KCNIP4: variants seen among roughly 807,000 people sequenced by gnomAD.
KCNIP4 encodes the protein Kv channel-interacting protein 4.
KCNIP4 carries 12 observed loss-of-function variants against 34.0 expected under a neutral mutation model. The observed-to-expected ratio is 0.35, with a 90% CI of 0.23 to 0.57. KCNIP4 has a LOEUF of 0.57. Among genes scored for constraint, KCNIP4 ranks in the 20% least tolerant of loss-of-function variants. The pLI, the probability that KCNIP4 is intolerant of heterozygous loss-of-function variation, is 0.83. For synonymous variants in KCNIP4, 124 were observed against 102.2 expected, an observed-to-expected ratio of 1.21 and a Z score of -1.29; for missense variants, 238 against 311.7, an observed-to-expected ratio of 0.76 and a Z score of 1.78.
intron 3 of KCNIP4, among the ~76,000 whole-genome samples, chr4:20,829,300 C>T (rs572429613): frequency 2.0e-5 from 3 of 152,176 alleles, no homozygotes; most frequent in Admixed American, 6.5e-5. Flanking sequence ...CTCTGCCACC[C>T]GGGTTCATGC....
intron 1 of KCNIP4, among the ~76,000 whole-genome samples, chr4:20,913,275 T>C (rs6447997): frequency 0.79 from 119,528 of 152,036 alleles, 47,376 homozygotes; most frequent in East Asian, 0.84. Context: ...AAAAAAGAAG[T>C]CCGACTCAAA....
chr4:20,842,137 T>A (rs1323437829), intron 3 of KCNIP4, among the ~76,000 whole-genome samples: 3 of 152,194 alleles, frequency 2.0e-5, no homozygotes, highest in Non-Finnish European at 4.4e-5. Flanking sequence ...AAAGAAAAAT[T>A]ACCTGTCTTT....
intron 1 of KCNIP4, among the ~76,000 whole-genome samples, chr4:20,947,163 T>G (rs1732273697): frequency 6.6e-6 from 1 of 152,016 alleles, no homozygotes; most frequent in Non-Finnish European, 1.5e-5. Flanking sequence ...GTTTTTGATG[T>G]TTTTTAGTTT....
At chr4:21,668,021 C>CAT (rs762683141) in intron 1 of KCNIP4, among the ~76,000 whole-genome samples, 1 of 152,102 alleles carries the variant, frequency 6.6e-6, no homozygotes, top group Non-Finnish European at 1.5e-5. Flanking sequence ...AAATGTGGTA[C>CAT]ATATATATAC....
rs189898388 is a variant in KCNIP4, at chr4:20,906,353, T to C, written c.62-23644A>G. On this transcript the variant is annotated intron_variant, in intron 1 of 8. Transcript: ENST00000382152. ...CCTTACCCCGTCTGCACTGAATTATTACAATAGTATTATAACTGGTTATGC... is the reference window on the plus strand; with the variant it reads ...CCTTACCCCGTCTGCACTGAATTATCACAATAGTATTATAACTGGTTATGC... 2.8e-4 allele frequency among the ~76,000 whole-genome samples: 42 copies of C among 152,258 alleles called. No homozygotes were observed. The East Asian group carries it at 7.5e-3, about 27-fold the overall frequency.
At chr4:21,476,089 T>C (rs2109819559) in intron 1 of KCNIP4, among the ~76,000 whole-genome samples, 1 of 152,346 alleles carries the variant, frequency 6.6e-6, no homozygotes, top group South Asian at 2.1e-4. Flanking sequence ...TCTCTGTAAG[T>C]AAATATCTCT....
chr4:20,940,120 T>C (rs1424990002), intron 1 of KCNIP4, among the ~76,000 whole-genome samples: 1 of 152,164 alleles, frequency 6.6e-6, no homozygotes, highest in Non-Finnish European at 1.5e-5. Flanking sequence ...GGTGGTCTTC[T>C]CCACCTAGGA....
intron 1 of KCNIP4, among the ~76,000 whole-genome samples, chr4:21,508,161 G>T (rs2109912390): frequency 6.6e-6 from 1 of 152,164 alleles, no homozygotes; most frequent in African/African-American, 2.4e-5. Context: ...GGAACAATAG[G>T]ATATTTTCAC....
intron 1 of KCNIP4, among the ~76,000 whole-genome samples, chr4:21,730,897 G>C (rs746395804): frequency 2.0e-5 from 3 of 152,090 alleles, no homozygotes; most frequent in Non-Finnish European, 2.9e-5. Context: ...CAAATAGCTG[G>C]AGTCGAGGAT....
At chr4:21,617,610 T>A (rs1347348041) in intron 1 of KCNIP4, among the ~76,000 whole-genome samples, 1 of 152,216 alleles carries the variant, frequency 6.6e-6, no homozygotes, top group East Asian at 1.9e-4. Context: ...TCCTGCTTTT[T>A]ACTTTAATGT....
At chr4:21,824,700 A>C (rs1388336398) in intron 1 of KCNIP4, among the ~76,000 whole-genome samples, 1 of 152,164 alleles carries the variant, frequency 6.6e-6, no homozygotes, top group Non-Finnish European at 1.5e-5. Context: ...CTGTTCAGCC[A>C]GCTCTGTGTG....
Position 20,958,376 on chromosome 4 carries a change from C to G in KCNIP4, c.62-75667G>C, listed in dbSNP as rs140084919. ...AATGCATGGAAAAGTCAGACTTCGA[C>G]CAAAGTCAAAGGGCAATAGAAACCC... On this transcript the variant is annotated intron_variant, in intron 1 of 8. Coordinates refer to ENST00000382152, the MANE Select transcript of KCNIP4 (RefSeq NM_025221.6). Among the ~76,000 whole-genome samples, 410 of 152,278 alleles carry G rather than the reference C, an allele frequency of 2.7e-3. 1 individual carries two copies. Among genetic ancestry groups the G allele is most frequent in the Non-Finnish European group, 4.0e-3 (272 of 68,020 alleles).
At chr4:21,358,708 G>A (rs1020412900) in intron 1 of KCNIP4, among the ~76,000 whole-genome samples, 3 of 152,076 alleles carry the variant, frequency 2.0e-5, no homozygotes, top group Non-Finnish European at 4.4e-5. Flanking sequence ...AGTCAAGCTG[G>A]GAACTGCTTA....
chr4:20,780,793 T>C (rs893153568), intron 3 of KCNIP4, among the ~76,000 whole-genome samples: 3 of 152,234 alleles, frequency 2.0e-5, no homozygotes, highest in Admixed American at 1.3e-4. Context: ...GGAGCCTTGA[T>C]CCAGCCATGC....
chr4:21,651,707 G>A (rs1056135165), intron 1 of KCNIP4, among the ~76,000 whole-genome samples: 1 of 152,086 alleles, frequency 6.6e-6, no homozygotes. Flanking sequence ...ACAAATAAAT[G>A]AAAACAGGAT....
intron 1 of KCNIP4, among the ~76,000 whole-genome samples, chr4:21,027,747 G>A (rs1386462457): frequency 6.6e-6 from 1 of 151,928 alleles, no homozygotes; most frequent in African/African-American, 2.4e-5. Flanking sequence ...TAATTCACAA[G>A]GGAAAGGACC....
At chr4:20,783,872 A>G (rs896576249) in intron 3 of KCNIP4, among the ~76,000 whole-genome samples, 5 of 152,168 alleles carry the variant, frequency 3.3e-5, no homozygotes, top group African/African-American at 4.8e-5. Context: ...ACCATAAAGG[A>G]TCCATTTCAT....
intron 1 of KCNIP4, among the ~76,000 whole-genome samples, chr4:20,922,028 T>C (rs1298820075): frequency 6.6e-6 from 1 of 152,140 alleles, no homozygotes; most frequent in Non-Finnish European, 1.5e-5. Context: ...TGAGCAAAAA[T>C]AAATGGCAAA....
intron 1 of KCNIP4, among the ~76,000 whole-genome samples, chr4:21,180,396 A>G (rs1004260084): frequency 2.0e-5 from 3 of 152,128 alleles, no homozygotes; most frequent in East Asian, 1.9e-4. Flanking sequence ...CTGTATCCCT[A>G]GAGTTCTGCT....
Sources: allele counts gnomAD v4.1 joint callset (sites outside exome capture counted in the v4.1 genomes callset), GRCh38; gene constraint gnomAD v4.1.1; transcripts MANE v1.5; gene names NCBI Gene and HGNC (gene_info 2026-07-23, HGNC 2026-07-21).